Variants in ENKUR observed in about 807,000 individuals in gnomAD.
ENKUR encodes the protein enkurin, TRPC channel interacting protein.
In ENKUR, 19 loss-of-function variants were observed where a neutral mutation model predicts 27.6. The ratio of observed to expected loss-of-function variants is 0.69; its 90% CI spans 0.48 to 1.01. The LOEUF (loss-of-function observed/expected upper bound fraction) is 1.01. Ranked by LOEUF, ENKUR falls within the 50% of genes least tolerant of loss-of-function variation. The pLI is 0.00. For missense variants in ENKUR, 312 were observed against 310.5 expected (o/e 1.00, Z -0.04); for synonymous variants, 117 against 96.9 (o/e 1.21, Z -1.22).
At chr10:25,047,625 G>A (rs1851135201) in intron 2 of ENKUR, among the ~76,000 whole-genome samples, 1 of 152,124 alleles carries the variant, frequency 6.6e-6, no homozygotes, top group South Asian at 2.1e-4. Context: ...TTATGAATAA[G>A]GTAGACTTGC....
chr10:25,024,838 G>A, intron 2 of ENKUR: 1 of 1,614,130 alleles, frequency 6.2e-7, no homozygotes, highest in Non-Finnish European at 8.5e-7. Flanking sequence ...TCAGAACCAT[G>A]TTTTGACTGA....
At chr10:24,988,164 C>A (rs1159222930) in intron 4 of ENKUR, among the ~76,000 whole-genome samples, 3 of 150,078 alleles carry the variant, frequency 2.0e-5, no homozygotes, top group African/African-American at 7.4e-5. Flanking sequence ...GTGGAGGTTG[C>A]AATGAGCCAA....
At chr10:25,009,258 A>T (rs1350066948) in intron 1 of ENKUR, among the ~76,000 whole-genome samples, 1 of 151,826 alleles carries the variant, frequency 6.6e-6, no homozygotes, top group Non-Finnish European at 1.5e-5. Context: ...AGTATAATAA[A>T]AAAAAAAGTA....
intron 1 of ENKUR, among the ~76,000 whole-genome samples, chr10:25,013,498 A>G (rs879003556): frequency 6.6e-6 from 1 of 152,224 alleles, no homozygotes; most frequent in Non-Finnish European, 1.5e-5. Flanking sequence ...ATGCTTATGG[A>G]AGCTTAGGCT....
At chr10:25,023,406 G>T (rs1377755484) in intron 2 of ENKUR, 2 of 1,614,100 alleles carry the variant, frequency 1.2e-6, no homozygotes, top group East Asian at 4.5e-5. Context: ...TTATCCTGAT[G>T]GGACCTCCTG....
chr10:24,984,126 G>A lies in ENKUR; in HGVS notation c.*244C>T, dbSNP rs1407730334. The A allele has an allele frequency of 2.4e-6, 1 of 412,666 alleles. No homozygotes were observed. Among genetic ancestry groups the A allele is most frequent in the African/African-American group, 2.0e-5 (1 of 49,300 alleles). The allele number at this position is 412,666 out of a possible 1,614,324, so 25.6% of individuals were successfully genotyped here. A position where few individuals can be genotyped will look rare whatever the true frequency, so the allele number is the denominator to read the frequency against. On this transcript the variant is annotated 3_prime_UTR_variant, in exon 6 of 6. Coordinates refer to ENST00000331161, the MANE Select transcript of ENKUR (RefSeq NM_145010.4). ...CTTTATAAGTTGTCATCTTGATTTT[G>A]TAAGTTGTCTTCTTAATTTTTCTTC...
chr10:25,018,172 A>T (rs1187337272), upstream of ENKUR, among the ~76,000 whole-genome samples: 1 of 152,232 alleles, frequency 6.6e-6, no homozygotes, highest in African/African-American at 2.4e-5. Flanking sequence ...TAGTTAGTTT[A>T]CAGCCATGAG....
chr10:25,013,835 G>A (rs112406839), intron 1 of ENKUR, among the ~76,000 whole-genome samples: 4,394 of 152,084 alleles, frequency 0.029, 142 homozygotes, highest in African/African-American at 0.078. Flanking sequence ...CCAGCTACTC[G>A]GGAGGCTGAG....
chr10:25,005,624 T>G (rs1850295272), intron 1 of ENKUR, among the ~76,000 whole-genome samples: 1 of 152,206 alleles, frequency 6.6e-6, no homozygotes. Context: ...TTGAGGAGAA[T>G]TTTTACACGT....
At chr10:25,011,618 A>G (rs1850445910) in intron 1 of ENKUR, among the ~76,000 whole-genome samples, 1 of 152,204 alleles carries the variant, frequency 6.6e-6, no homozygotes, top group Non-Finnish European at 1.5e-5. Context: ...TAGACCTGCA[A>G]CCATAAAGAC....
At chr10:24,989,579 C>T (rs763957008) in intron 4 of ENKUR, among the ~76,000 whole-genome samples, 2 of 152,176 alleles carry the variant, frequency 1.3e-5, no homozygotes, top group Non-Finnish European at 2.9e-5. Flanking sequence ...GCACAATACT[C>T]CACTGCAGAT....
At chr10:25,057,890 A>C (rs919232852) in intron 2 of ENKUR, among the ~76,000 whole-genome samples, 1 of 152,134 alleles carries the variant, frequency 6.6e-6, no homozygotes, top group African/African-American at 2.4e-5. Context: ...AACTTTACCT[A>C]GTGTTTACAT....
rs138301539 is a variant in ENKUR, at chr10:24,997,564, T to A, written c.224-1695A>T. ...AGCACACCTAGCTAATTAAAAAAAA[T>A]TTTTTATAGAGATAGGGTCTCACTT... is the stretch of plus-strand genomic sequence containing the variant. On this transcript the variant is annotated intron_variant, in intron 2 of 5. Transcript: ENST00000331161. Among the ~76,000 whole-genome samples, 39 of 151,726 alleles carry A rather than the reference T, an allele frequency of 2.6e-4. No individual in the cohort carries two copies. The East Asian group carries it at 3.9e-3, about 15-fold the overall frequency.
chr10:25,002,469 T>A (rs73608214), intron 1 of ENKUR, among the ~76,000 whole-genome samples: 5,156 of 152,280 alleles, frequency 0.034, 213 homozygotes, highest in African/African-American at 0.096. Context: ...TGGCCTGGAA[T>A]TTCTCTCCAG....
intron 1 of ENKUR, among the ~76,000 whole-genome samples, chr10:25,061,847 A>G (rs1231260307): frequency 1.3e-5 from 2 of 152,140 alleles, no homozygotes; most frequent in African/African-American, 4.8e-5. Context: ...CTGCTGCATC[A>G]TCAATGACTG....
rs34472195 is a variant in ENKUR at position 25,033,401 on chromosome 10, CAAAAAAA to C, written c.37+27704_37+27710del. On this transcript the variant is annotated intron_variant, in intron 2 of 5. Transcript: ENST00000615958. ...TCTGGGTGACAGAGGAAGACCTCGT[CAAAAAAA>C]AAAAAAAAAAAAAAAAAAAATCTGT... 2.2e-3 allele frequency among the ~76,000 whole-genome samples: 131 copies of C among 59,978 alleles called. 1 individual carries two copies. The highest frequency in any genetic ancestry group is 0.01 in the Admixed American group (45 of 4,362). 39.3% of individuals were successfully genotyped at this position (59,978 alleles called of 152,430 possible). A position where few individuals can be genotyped will look rare whatever the true frequency, so the allele number is the denominator to read the frequency against.
chr10:25,027,387 A>C (rs1406137123), intron 2 of ENKUR, among the ~76,000 whole-genome samples: 5 of 139,356 alleles, frequency 3.6e-5, no homozygotes, highest in Non-Finnish European at 7.7e-5. Flanking sequence ...AAAAAAAAAA[A>C]CTAGCCAGGC....
chr10:24,998,648 G>C (rs2132693833), intron 2 of ENKUR, among the ~76,000 whole-genome samples: 1 of 152,064 alleles, frequency 6.6e-6, no homozygotes, highest in African/African-American at 2.4e-5. Context: ...CTTGGGCTAT[G>C]AAGAAATTGC....
chr10:25,054,768 G>A (rs1021320652), intron 2 of ENKUR, among the ~76,000 whole-genome samples: 3 of 149,796 alleles, frequency 2.0e-5, no homozygotes, highest in African/African-American at 7.4e-5. Flanking sequence ...CTGCAGCCTC[G>A]ACCTACTAGA....
Sources: allele counts gnomAD v4.1 joint callset (sites outside exome capture counted in the v4.1 genomes callset), GRCh38; gene constraint gnomAD v4.1.1; transcripts MANE v1.5; gene names NCBI Gene and HGNC (gene_info 2026-07-23, HGNC 2026-07-21).